The following NUSAP1 variants were observed in gnomAD, a reference collection of about 807,000 sequenced individuals.
NUSAP1 encodes nucleolar and spindle-associated protein 1.
In NUSAP1, 32 loss-of-function variants were observed where a neutral mutation model predicts 52.8. That is an observed-to-expected ratio of 0.61 (90% confidence interval 0.46 to 0.81). The LOEUF (loss-of-function observed/expected upper bound fraction) is 0.81. Among genes scored for constraint, NUSAP1 ranks in the 40% least tolerant of loss-of-function variants. The pLI, the probability that NUSAP1 is intolerant of heterozygous loss-of-function variation, is 0.00. For synonymous variants in NUSAP1, 195 were observed against 183.1 expected (o/e 1.06, Z -0.52); for missense variants, 499 against 522.3 (o/e 0.96, Z 0.43).
At chr15:41,335,641 T>A (rs2048094487) in intron 1 of NUSAP1, among the ~76,000 whole-genome samples, 1 of 139,592 alleles carries the variant, frequency 7.2e-6, no homozygotes. Context: ...ATACTATATA[T>A]AAATATATTA....
chr15:41,334,069 A>G lies in NUSAP1; in HGVS notation c.93+1019A>G, dbSNP rs149323992. 2.6e-4 allele frequency among the ~76,000 whole-genome samples: 39 copies of G among 152,326 alleles called. No homozygotes were observed. The East Asian group carries it at 6.0e-3, about 23-fold the overall frequency. On this transcript the variant is annotated intron_variant, in intron 1 of 10. Coordinates refer to ENST00000559596, the MANE Select transcript of NUSAP1 (RefSeq NM_016359.5). ...TTCTCCTGCAGGCTGTGATACTGAC[A>G]GTGAGTAAATGCTTAAATCAATCGT...
At chr15:41,340,651 T>G (rs984120902) in intron 1 of NUSAP1, among the ~76,000 whole-genome samples, 1 of 152,150 alleles carries the variant, frequency 6.6e-6, no homozygotes, top group Non-Finnish European at 1.5e-5. Flanking sequence ...TTTTTGTATG[T>G]TTGGTGAGAT....
intron 1 of NUSAP1, among the ~76,000 whole-genome samples, chr15:41,340,628 C>A (rs2048335601): frequency 6.6e-6 from 1 of 152,164 alleles, no homozygotes; most frequent in Non-Finnish European, 1.5e-5. Flanking sequence ...CCACAGGTGC[C>A]TCACTTCATG....
At chr15:41,352,324 C>T (rs1018142151) in intron 4 of NUSAP1, among the ~76,000 whole-genome samples, 2 of 152,018 alleles carry the variant, frequency 1.3e-5, no homozygotes, top group Non-Finnish European at 2.9e-5. Context: ...TAAAATATCT[C>T]AGTATTAGTT....
At chr15:41,350,048 T>C (rs974226017) in intron 3 of NUSAP1, among the ~76,000 whole-genome samples, 1 of 152,192 alleles carries the variant, frequency 6.6e-6, no homozygotes, top group Admixed American at 6.6e-5. Context: ...ATTACAGGTG[T>C]GAGCCACCAT....
At chr15:41,372,961 A>G (rs192562568) in intron 8 of NUSAP1, among the ~76,000 whole-genome samples, 1 of 151,802 alleles carries the variant, frequency 6.6e-6, no homozygotes, top group Non-Finnish European at 1.5e-5. Flanking sequence ...GGTGGCATGC[A>G]CCTATCATCC....
At chr15:41,353,194 A>C (rs1208443800) in intron 4 of NUSAP1, among the ~76,000 whole-genome samples, 1 of 152,144 alleles carries the variant, frequency 6.6e-6, no homozygotes, top group East Asian at 1.9e-4. Context: ...TCTGTTGCCC[A>C]GGCGGGAGTA....
intron 2 of NUSAP1, among the ~76,000 whole-genome samples, chr15:41,346,018 T>C (rs567878279): frequency 3.9e-4 from 59 of 152,200 alleles, no homozygotes; most frequent in Non-Finnish European, 6.8e-4. Flanking sequence ...ATTTTACCTC[T>C]GGTTAAGGCC....
chr15:41,358,391 C>T (rs2049047132), intron 6 of NUSAP1, 133 bp downstream of exon 6: 2 of 566,238 alleles, frequency 3.5e-6, no homozygotes, highest in East Asian at 6.5e-5. Flanking sequence ...ATATCTTTAT[C>T]TAAAACTTGC....
chr15:41,373,890 C>T (rs529774568), intron 8 of NUSAP1, among the ~76,000 whole-genome samples: 8 of 151,960 alleles, frequency 5.3e-5, no homozygotes, highest in South Asian at 2.1e-4. Context: ...GAAAAGTTAC[C>T]GTCATTTCCT....
At chr15:41,342,592 C>A in intron 2 of NUSAP1, 138 bp downstream of exon 2, 3 of 637,308 alleles carry the variant, frequency 4.7e-6, no homozygotes, top group Non-Finnish European at 8.0e-6. Context: ...ACTCCTAGCA[C>A]TTTGGTAGGC....
chr15:41,344,634 T>C (rs918466786), intron 2 of NUSAP1, among the ~76,000 whole-genome samples: 1 of 151,236 alleles, frequency 6.6e-6, no homozygotes, highest in Non-Finnish European at 1.5e-5. Context: ...CGAGACTCCG[T>C]CTCAAAAAAA....
intron 7 of NUSAP1, chr15:41,365,868 G>A (rs868704479): frequency 5.7e-6 from 1 of 174,694 alleles, no homozygotes; most frequent in South Asian, 1.3e-4. Context: ...CTACAGGTAC[G>A]TGCCACCATG....
In NUSAP1 at chr15:41,367,703, T is replaced by C. The variant is rs570625268; in HGVS notation, c.848+2114T>C. On this transcript the variant is annotated intron_variant, in intron 7 of 10. Transcript: ENST00000559596. ...ATTAGACTTGGGTATTCTCCCGTAG[T>C]AAGGACTGTAGGTGCTTGCAGTAGC... 6.6e-5 allele frequency among the ~76,000 whole-genome samples: 10 copies of C among 152,294 alleles called. No homozygotes were observed. In the South Asian group the frequency reaches 1.4e-3, roughly 22 times the overall value.
chr15:41,344,047 A>C (rs1239552439), intron 2 of NUSAP1: 1 of 149,832 alleles, frequency 6.7e-6, no homozygotes, highest in East Asian at 2.1e-4. Flanking sequence ...GTGAAACCCC[A>C]TCTCTACTAA....
chr15:41,342,420 T>C lies in NUSAP1; in HGVS notation c.128T>C (p.Ile43Thr). The C allele has an allele frequency of 1.3e-6, 2 of 1,595,744 alleles. No homozygotes were observed. Among genetic ancestry groups the C allele is most frequent in the South Asian group, 1.1e-5 (1 of 87,648 alleles). The change falls in exon 2 of 11, where the codon ATT becomes ACT. Residue 43 changes from isoleucine to threonine, a missense_variant. Transcript: ENST00000559596. ...TTGTTAAAAGCCTTGAAAGGCTACATTAAACATGAGGCAAGAAAAGGAAAT... is the reference window on the plus strand; with the variant it reads ...TTGTTAAAAGCCTTGAAAGGCTACACTAAACATGAGGCAAGAAAAGGAAAT... ...TKLLKALKGY[I>T]KHEARKGNEN...
chr15:41,376,288 A>G (rs1276745952), intron 9 of NUSAP1, among the ~76,000 whole-genome samples: 1 of 151,558 alleles, frequency 6.6e-6, no homozygotes, highest in African/African-American at 2.4e-5. Context: ...AATCCCAGCT[A>G]CTTGGGAGGC....
rs190266850 is a variant in NUSAP1, at chr15:41,366,080, A to G, written c.848+491A>G. 1.3e-4 allele frequency among the ~76,000 whole-genome samples: 20 copies of G among 152,054 alleles called. No homozygotes were observed. In the East Asian group the frequency reaches 3.9e-3, roughly 30 times the overall value. On this transcript the variant is annotated intron_variant, in intron 7 of 10. Transcript: ENST00000559596. The stretch of plus-strand genomic sequence containing the variant: ...TCAGATCAGGGTAATTAGCATATCC[A>G]TCATCTCAAATAGTTATCATTGCTT...
chr15:41,374,684 C>T (rs530501203), intron 8 of NUSAP1, among the ~76,000 whole-genome samples: 1 of 151,888 alleles, frequency 6.6e-6, no homozygotes, highest in African/African-American at 2.4e-5. Flanking sequence ...CACGCTGCCA[C>T]GCCTAGCTAA....
Sources: gnomAD v4.1 joint callset for allele counts (sites outside exome capture counted in the v4.1 genomes callset) on GRCh38, gnomAD v4.1.1 for gene constraint, MANE v1.5 for transcripts, NCBI Gene and HGNC (gene_info 2026-07-23, HGNC 2026-07-21) for gene names.